The following ALDH18A1 variants were observed in gnomAD, a reference collection of about 807,000 sequenced individuals.
ALDH18A1 encodes delta-1-pyrroline-5-carboxylate synthase.
A neutral mutation model predicts 88.8 loss-of-function variants in ALDH18A1; 44 were observed. The observed-to-expected ratio is 0.50, with a 90% CI of 0.39 to 0.64. ALDH18A1 has a LOEUF of 0.64. ALDH18A1 is among the 30% of genes least tolerant of loss of function. The pLI is 0.00. For synonymous variants in ALDH18A1, 331 were observed against 372.1 expected (o/e 0.89, Z 1.27); for missense variants, 782 against 1,009.5 (o/e 0.77, Z 3.05).
At chr10:95,618,549 C>T (rs1235278413) in intron 12 of ALDH18A1, among the ~76,000 whole-genome samples, 1 of 152,144 alleles carries the variant, frequency 6.6e-6, no homozygotes, top group East Asian at 1.9e-4. Flanking sequence ...CTCTTGACCT[C>T]GTGATTCACC....
chr10:95,652,653 T>C (rs1036217123), intron 2 of ALDH18A1, among the ~76,000 whole-genome samples: 8 of 151,972 alleles, frequency 5.3e-5, no homozygotes, highest in Non-Finnish European at 8.8e-5. Context: ...GAGAATCGCT[T>C]GAACCTGGGA....
At chr10:95,611,477 A>G in intron 15 of ALDH18A1, 35 bp from the exon 16 acceptor site, 1 of 1,608,406 alleles carries the variant, frequency 6.2e-7, no homozygotes, top group South Asian at 1.1e-5. Context: ...AACAACATAA[A>G]AACAACTGAA....
At chr10:95,631,101 T>C (rs1311846197) in intron 7 of ALDH18A1, among the ~76,000 whole-genome samples, 1 of 152,256 alleles carries the variant, frequency 6.6e-6, no homozygotes, top group East Asian at 1.9e-4. Flanking sequence ...GAATCCTAGA[T>C]TTTGGACACA....
intron 7 of ALDH18A1, 57 bp from the exon 8 acceptor site, chr10:95,628,549 G>C: frequency 1.3e-6 from 2 of 1,595,834 alleles, no homozygotes; most frequent in Non-Finnish European, 8.5e-7. Context: ...TCCAAGACAG[G>C]CCTCCCCAGG....
At chr10:95,639,441 A>T (rs1485624578) in intron 3 of ALDH18A1, among the ~76,000 whole-genome samples, 2 of 152,128 alleles carry the variant, frequency 1.3e-5, no homozygotes, top group Non-Finnish European at 2.9e-5. Context: ...ACTATCTCTC[A>T]TGGCCAACTT....
intron 3 of ALDH18A1, among the ~76,000 whole-genome samples, chr10:95,642,078 T>C (rs138147760): frequency 2.6e-3 from 398 of 152,306 alleles, no homozygotes; most frequent in East Asian, 6.6e-3. Flanking sequence ...ACTTGTTTTT[T>C]AAAAACTGAA....
intron 1 of ALDH18A1, among the ~76,000 whole-genome samples, chr10:95,653,994 T>C (rs779920763): frequency 1.2e-4 from 19 of 152,198 alleles, no homozygotes; most frequent in Non-Finnish European, 2.5e-4. Flanking sequence ...ATCTTAATCC[T>C]GTGGAGGAAG....
At chr10:95,651,196 T>C (rs560000648) in intron 2 of ALDH18A1, among the ~76,000 whole-genome samples, 3 of 152,032 alleles carry the variant, frequency 2.0e-5, no homozygotes, top group Non-Finnish European at 1.5e-5. Flanking sequence ...CTGAAGAGGA[T>C]ATAAACACAT....
intron 17 of ALDH18A1, among the ~76,000 whole-genome samples, chr10:95,609,025 G>T (rs570819210): frequency 6.6e-6 from 1 of 152,262 alleles, no homozygotes; most frequent in African/African-American, 2.4e-5. Flanking sequence ...ACAGGCAAGT[G>T]CCACCATGCT....
intron 11 of ALDH18A1, among the ~76,000 whole-genome samples, chr10:95,622,965 A>C (rs1012371098): frequency 6.6e-6 from 1 of 152,114 alleles, no homozygotes; most frequent in South Asian, 2.1e-4. Context: ...TATATCACAA[A>C]TCATTACTGT....
At chr10:95,612,348 G>C (rs74150969) in intron 15 of ALDH18A1, among the ~76,000 whole-genome samples, 2,496 of 152,288 alleles carry the variant, frequency 0.016, 73 homozygotes, top group African/African-American at 0.057. Flanking sequence ...TCTGAGGCTG[G>C]TCACCGAGGA....
In ALDH18A1 at chr10:95,626,743, C is replaced by G. The variant is rs745614904; in HGVS notation, c.1112G>C (p.Arg371Pro). 6.2e-7 allele frequency: 1 copy of G among 1,613,968 alleles called. No homozygotes were observed. Among genetic ancestry groups the G allele is most frequent in the East Asian group, 2.2e-5 (1 of 44,864 alleles). Residue 371 changes from arginine (R) to proline (P), a missense_variant, in exon 10 of 18, where the codon CGA (arginine) becomes CCA (proline). By Grantham distance (103) the Arg-to-Pro change is moderately radical. Around this residue, in one of 3 missense-constraint regions of ALDH18A1, gnomAD observed 556 missense variants for 654.5 expected, o/e 0.85. Coordinates refer to ENST00000371224, the MANE Select transcript of ALDH18A1 (RefSeq NM_002860.4). Reference sequence around the variant, plus strand: ...GGTGGCCAACATCCTTCCTCCAGATCGCGCCATTTCTCCCTGCTGCTCAAC... The same window carrying G: ...GGTGGCCAACATCCTTCCTCCAGATGGCGCCATTTCTCCCTGCTGCTCAAC... Reference protein sequence around the residue: ...PTVEQQGEMARSGGRMLATLE... With the variant: ...PTVEQQGEMAPSGGRMLATLE...
At chr10:95,640,529 A>G (rs1314739740) in intron 3 of ALDH18A1, among the ~76,000 whole-genome samples, 2 of 152,102 alleles carry the variant, frequency 1.3e-5, no homozygotes, top group East Asian at 3.9e-4. Context: ...TTTAGTAGAG[A>G]TGAGGTTTCA....
intron 5 of ALDH18A1, among the ~76,000 whole-genome samples, chr10:95,634,494 T>C (rs1736854769): frequency 6.6e-6 from 1 of 152,234 alleles, no homozygotes. Context: ...GAAAGTGTAT[T>C]AGACAAAATG....
rs768323248 is a variant in ALDH18A1 at position 95,637,357 on chromosome 10, C to T, written c.383G>A (p.Arg128His). Residue 128 changes from arginine (R) to histidine (H), a missense_variant, in exon 4 of 18, where the codon CGC becomes CAC. Physicochemically the swap from Arg to His is conservative, Grantham distance 29 (BLOSUM62 0). Coordinates refer to ENST00000371224, the MANE Select transcript of ALDH18A1 (RefSeq NM_002860.4). The part of the protein sequence containing the change: ...GAVAFGKQRL[R>H]HEILLSQSVR... ...GCTCTGAGACAGAAGGATCTCATGG[C>T]GCAAGCGTTGTTTGCCAAAGGCTAC... 33 of 1,614,086 alleles carry T rather than the reference C, an allele frequency of 2.0e-5. 1 individual carries two copies. The highest frequency in any genetic ancestry group is 8.8e-5 in the South Asian group (8 of 91,084).
At chr10:95,625,324 C>T in intron 11 of ALDH18A1, 38 bp downstream of exon 11, 1 of 1,547,078 alleles carries the variant, frequency 6.5e-7, no homozygotes. Flanking sequence ...TAATGCACAC[C>T]CCTCCACAAC....
At chr10:95,645,007 G>A (rs933104326) in intron 2 of ALDH18A1, among the ~76,000 whole-genome samples, 1 of 152,198 alleles carries the variant, frequency 6.6e-6, no homozygotes, top group Admixed American at 6.5e-5. Flanking sequence ...TATCCTGTTT[G>A]AGCCATGAAT....
At chr10:95,635,485 C>T (rs771971666) in intron 5 of ALDH18A1, among the ~76,000 whole-genome samples, 11 of 152,152 alleles carry the variant, frequency 7.2e-5, no homozygotes, top group Non-Finnish European at 1.6e-4. Context: ...GAAGAAAAAA[C>T]AAGCTGTTTT....
intron 2 of ALDH18A1, among the ~76,000 whole-genome samples, chr10:95,647,202 C>T (rs537681208): frequency 6.6e-6 from 1 of 152,120 alleles, no homozygotes; most frequent in Non-Finnish European, 1.5e-5. Flanking sequence ...GGATAAGTAT[C>T]AATAAAAATA....
Sources: allele counts gnomAD v4.1 joint callset (sites outside exome capture counted in the v4.1 genomes callset), GRCh38; gene constraint gnomAD v4.1.1; regional missense constraint gnomAD v4.1.1; transcripts MANE v1.5; gene names NCBI Gene and HGNC (gene_info 2026-07-23, HGNC 2026-07-21).